The following XPO5 variants were observed in gnomAD, a reference collection of about 807,000 sequenced individuals.
The protein encoded by XPO5 is exportin-5.
XPO5 carries 46 observed loss-of-function variants against 160.6 expected under a neutral mutation model. The observed-to-expected ratio is 0.29, with a 90% confidence interval of 0.23 to 0.37. The LOEUF is 0.37. XPO5 is among the 10% of genes least tolerant of loss of function. The pLI, the probability that XPO5 is intolerant of heterozygous loss-of-function variation, is 1.00. For synonymous variants in XPO5, 537 were observed against 519.3 expected (o/e 1.03, Z -0.46); for missense variants, 1,090 against 1,463.9 (o/e 0.74, Z 4.17).
rs70990200 is a variant in XPO5, at chr6:43,570,311, CAAA to C, written c.621+188_621+190del. Among the ~76,000 whole-genome samples the C allele has an allele frequency of 0.053, 4,058 of 77,098 alleles. 74 individuals are homozygous for C. The highest frequency in any genetic ancestry group is 0.1 in the South Asian group (225 of 2,232). 50.6% of individuals were successfully genotyped at this position (77,098 alleles called of 152,430 possible). ...TAGGTGACAGAGCGAGCCTCCGTCT[CAAA>C]AAAAAAAAAAAAAAAAAAAGAAAGA... On this transcript the variant is annotated intron_variant, in intron 5 of 31. Transcript: ENST00000265351.
chr6:43,523,304 C>T lies in XPO5; in HGVS notation c.*564G>A. Reference sequence around the variant, plus strand: ...TCCCATCAGGTGACCAGATTCTTGCCCAAAGCAAAGTTGAGAGAACTGACC... The same window carrying T: ...TCCCATCAGGTGACCAGATTCTTGCTCAAAGCAAAGTTGAGAGAACTGACC... On this transcript the variant is annotated 3_prime_UTR_variant, in exon 32 of 32. Transcript: ENST00000265351. 4.3e-6 allele frequency: 1 copy of T among 230,762 alleles called. No homozygotes were observed. The highest frequency in any genetic ancestry group is 6.2e-5 in the South Asian group (1 of 16,186). The allele number at this position is 230,762 out of a possible 1,614,324, so 14.3% of individuals were successfully genotyped here.
At chr6:43,568,628 T>G in intron 6 of XPO5, 83 bp downstream of exon 6, 5 of 1,236,622 alleles carry the variant, frequency 4.0e-6, no homozygotes, top group Non-Finnish European at 5.6e-6. Context: ...CAAGCAAGGC[T>G]GAGGTCACCA....
intron 20 of XPO5, among the ~76,000 whole-genome samples, chr6:43,536,989 C>T (rs527629200): frequency 6.6e-6 from 1 of 152,070 alleles, no homozygotes; most frequent in South Asian, 2.1e-4. Context: ...TTTAAAGAGA[C>T]AGGGTCTCAC....
intron 7 of XPO5, 53 bp downstream of exon 7, chr6:43,567,116 T>A: frequency 2.0e-6 from 3 of 1,532,958 alleles, no homozygotes; most frequent in Non-Finnish European, 2.6e-6. Flanking sequence ...ATTAAACACA[T>A]ACACAGCCTA....
chr6:43,540,881 T>C (rs1794655827), intron 20 of XPO5, among the ~76,000 whole-genome samples: 1 of 151,398 alleles, frequency 6.6e-6, no homozygotes, highest in Admixed American at 6.6e-5. Context: ...ATAATTCACA[T>C]AACATAAAAC....
intron 2 of XPO5, 147 bp from the exon 3 acceptor site, chr6:43,572,725 A>G: frequency 2.3e-6 from 2 of 875,390 alleles, no homozygotes; most frequent in Non-Finnish European, 3.5e-6. Flanking sequence ...TGAATGGGCA[A>G]AAATGATCTA....
At chr6:43,556,403 T>C (rs1189120882) in intron 12 of XPO5, among the ~76,000 whole-genome samples, 9 of 151,566 alleles carry the variant, frequency 5.9e-5, no homozygotes, top group Non-Finnish European at 1.0e-4. Flanking sequence ...CATGCTCCTA[T>C]AGTCCCAGTA....
At chr6:43,535,263 AAAC>A (rs200414208) in intron 20 of XPO5, among the ~76,000 whole-genome samples, 13,808 of 151,410 alleles carry the variant, frequency 0.091, 1,222 homozygotes, top group African/African-American at 0.23. Context: ...CTGTCTCAAA[AAAC>A]AACAACAACA....
At chr6:43,567,628 C>G (rs936241359) in intron 6 of XPO5, among the ~76,000 whole-genome samples, 1 of 152,066 alleles carries the variant, frequency 6.6e-6, no homozygotes, top group Non-Finnish European at 1.5e-5. Flanking sequence ...TGCAGTGGCA[C>G]ACACCTGCAA....
At chr6:43,530,907 A>C (rs748675625) in intron 22 of XPO5, 83 bp from the exon 23 acceptor site, 11 of 1,485,072 alleles carry the variant, frequency 7.4e-6, no homozygotes, top group Non-Finnish European at 9.8e-6. Context: ...TTTCATTTCT[A>C]GCCTACAATA....
intron 23 of XPO5, among the ~76,000 whole-genome samples, chr6:43,530,211 C>T (rs890057366): frequency 6.6e-6 from 1 of 152,120 alleles, no homozygotes; most frequent in Non-Finnish European, 1.5e-5. Flanking sequence ...AAGACAAGAT[C>T]ATGCCACTGC....
intron 21 of XPO5, 129 bp downstream of exon 21, chr6:43,533,778 T>G: frequency 1.1e-5 from 6 of 537,894 alleles, no homozygotes; most frequent in East Asian, 4.4e-5. Flanking sequence ...GAGCCTACAG[T>G]GAGCTATGGT....
intron 19 of XPO5, chr6:43,547,169 T>C: frequency 2.9e-6 from 1 of 346,968 alleles, no homozygotes; most frequent in East Asian, 7.6e-5. Context: ...ACCTACTACT[T>C]GCCAGGTTAA....
intron 12 of XPO5, among the ~76,000 whole-genome samples, chr6:43,556,523 CAAA>C (rs539768315): frequency 7.0e-5 from 5 of 71,936 alleles, no homozygotes; most frequent in Admixed American, 1.7e-4. Flanking sequence ...GACCATGTCT[CAAA>C]AAAAAAAAAA....
chr6:43,547,064 G>C (rs1022282593), intron 19 of XPO5, among the ~76,000 whole-genome samples: 1 of 152,126 alleles, frequency 6.6e-6, no homozygotes, highest in Non-Finnish European at 1.5e-5. Flanking sequence ...CCAAAACAAA[G>C]TGTTTAAAAT....
At chr6:43,568,637 C>A in intron 6 of XPO5, 74 bp downstream of exon 6, 1 of 1,312,232 alleles carries the variant, frequency 7.6e-7, no homozygotes, top group South Asian at 1.6e-5. Flanking sequence ...CTGAGGTCAC[C>A]ATCCACTAGG....
At chr6:43,541,796 G>GAGAT (rs1794708153) in intron 20 of XPO5, among the ~76,000 whole-genome samples, 1 of 151,280 alleles carries the variant, frequency 6.6e-6, no homozygotes, top group African/African-American at 2.4e-5. Flanking sequence ...TTTCTTTTTT[G>GAGAT]AGATAGAGTC....
chr6:43,575,308 C>T (rs1370376053), intron 1 of XPO5, among the ~76,000 whole-genome samples: 2 of 152,116 alleles, frequency 1.3e-5, no homozygotes, highest in Admixed American at 6.6e-5. Flanking sequence ...GGCTGGAGCT[C>T]GGTCAGGGCC....
intron 21 of XPO5, among the ~76,000 whole-genome samples, chr6:43,532,469 T>TA (rs944516243): frequency 6.6e-6 from 1 of 152,214 alleles, no homozygotes; most frequent in African/African-American, 2.4e-5. Context: ...GAACAAGGTT[T>TA]AGACAACTGA....
Sources: gnomAD v4.1 joint callset for allele counts (sites outside exome capture counted in the v4.1 genomes callset) on GRCh38, gnomAD v4.1.1 for gene constraint, MANE v1.5 for transcripts, NCBI Gene and HGNC (gene_info 2026-07-23, HGNC 2026-07-21) for gene names.